KCNH5: variants seen among roughly 807,000 people sequenced by gnomAD.
KCNH5 encodes voltage-gated delayed rectifier potassium channel KCNH5.
In KCNH5, 46 loss-of-function variants were observed where a neutral mutation model predicts 96.1. The ratio of observed to expected loss-of-function variants is 0.48; its 90% CI spans 0.38 to 0.61. The LOEUF is 0.61. KCNH5 is among the 20% of genes least tolerant of loss of function. The pLI, the probability that KCNH5 is intolerant of heterozygous loss-of-function variation, is 0.00. For synonymous variants in KCNH5, 439 were observed against 449.8 expected, an observed-to-expected ratio of 0.98 and a Z score of 0.30; for missense variants, 907 against 1,225.8, an observed-to-expected ratio of 0.74 and a Z score of 3.88.
chr14:62,844,065 A>T (rs1595651240), intron 8 of KCNH5, among the ~76,000 whole-genome samples: 1 of 152,176 alleles, frequency 6.6e-6, no homozygotes, highest in East Asian at 1.9e-4. Context: ...TCAAAATTTC[A>T]ATTTGTTTAA....
intron 6 of KCNH5, among the ~76,000 whole-genome samples, chr14:62,956,169 T>C (rs1468702465): frequency 1.3e-5 from 2 of 152,202 alleles, no homozygotes; most frequent in African/African-American, 4.8e-5. Flanking sequence ...TTTCCCTCTA[T>C]GCCTCTGCAT....
At chr14:62,724,924 C>T (rs1884891499) in intron 10 of KCNH5, among the ~76,000 whole-genome samples, 1 of 152,224 alleles carries the variant, frequency 6.6e-6, no homozygotes, top group Admixed American at 6.5e-5. Context: ...TGCCCACCAG[C>T]ATGCAAACAC....
At chr14:63,023,021 T>A (rs1248427435) in intron 1 of KCNH5, among the ~76,000 whole-genome samples, 1 of 151,896 alleles carries the variant, frequency 6.6e-6, no homozygotes, top group East Asian at 1.9e-4. Flanking sequence ...CTAGCCAACA[T>A]GGTGACACCC....
chr14:62,953,148 T>C (rs1051392477), intron 6 of KCNH5, among the ~76,000 whole-genome samples: 2 of 151,460 alleles, frequency 1.3e-5, no homozygotes, highest in Non-Finnish European at 2.9e-5. Context: ...ACATACTTGA[T>C]ATATATACAT....
At chr14:63,003,221 C>T (rs1594669516) in intron 3 of KCNH5, among the ~76,000 whole-genome samples, 1 of 151,586 alleles carries the variant, frequency 6.6e-6, no homozygotes, top group East Asian at 1.9e-4. Context: ...TTCAACTTTC[C>T]AAGCCACAGG....
chr14:62,857,466 T>A (rs115307068), intron 7 of KCNH5, among the ~76,000 whole-genome samples: 1,557 of 152,246 alleles, frequency 0.01, 29 homozygotes, highest in African/African-American at 0.036. Context: ...TTAATATTAA[T>A]CTTAATATAT....
chr14:62,932,486 A>C (rs1889599403), intron 7 of KCNH5, among the ~76,000 whole-genome samples: 2 of 151,662 alleles, frequency 1.3e-5, no homozygotes, highest in African/African-American at 4.8e-5. Context: ...AAAAAAAAAA[A>C]AAAAACTAAA....
chr14:62,900,934 C>T (rs1888912584), intron 7 of KCNH5, among the ~76,000 whole-genome samples: 1 of 152,052 alleles, frequency 6.6e-6, no homozygotes, highest in Non-Finnish European at 1.5e-5. Context: ...GAACAAAAGA[C>T]TTAAAAAGTT....
Position 62,703,203 on chromosome 14 carries a change from T to C in KCNH5, c.*4305A>G, listed in dbSNP as rs1486294482. On this transcript the variant is annotated 3_prime_UTR_variant, in exon 11 of 11. Transcript: ENST00000322893. ...CTAAATTCCCACATAAGTATGAAGT[T>C]TTATGCTTACCTGCCACTAGCAAAC... 1 of 151,932 alleles carries C rather than the reference T, an allele frequency of 6.6e-6. No homozygotes were observed. The highest frequency in any genetic ancestry group is 1.9e-4 in the East Asian group (1 of 5,184). 9.4% of individuals were successfully genotyped at this position (151,932 alleles called of 1,614,324 possible).
At chr14:62,801,326 T>C (rs148973038) in intron 9 of KCNH5, among the ~76,000 whole-genome samples, 22 of 150,730 alleles carry the variant, frequency 1.5e-4, no homozygotes, top group Non-Finnish European at 2.2e-4. Context: ...CCATGAACAA[T>C]GTGATCAAAA....
intron 7 of KCNH5, among the ~76,000 whole-genome samples, chr14:62,949,166 T>C (rs1351053248): frequency 6.6e-6 from 1 of 152,112 alleles, no homozygotes; most frequent in African/African-American, 2.4e-5. Context: ...CCAGGGCAAT[T>C]AGGCAGGAGA....
At chr14:63,027,598 G>T (rs899866423) in intron 1 of KCNH5, among the ~76,000 whole-genome samples, 8 of 132,468 alleles carry the variant, frequency 6.0e-5, no homozygotes, top group African/African-American at 2.3e-4. Context: ...TGATTAAAAT[G>T]TAGATATTTT....
chr14:62,860,330 T>A (rs1002930664), intron 7 of KCNH5, among the ~76,000 whole-genome samples: 2 of 152,238 alleles, frequency 1.3e-5, no homozygotes, highest in African/African-American at 4.8e-5. Flanking sequence ...CCATTGGATC[T>A]GCTCAGTCAC....
chr14:62,910,277 T>C (rs112549145), intron 7 of KCNH5, among the ~76,000 whole-genome samples: 59 of 152,262 alleles, frequency 3.9e-4, no homozygotes, highest in African/African-American at 1.3e-3. Context: ...ACATCATGCT[T>C]ATTATGAAAT....
intron 10 of KCNH5, chr14:62,712,768 G>T: frequency 1.3e-6 from 1 of 755,662 alleles, no homozygotes; most frequent in African/African-American, 1.7e-5. Context: ...CTGGGAAAGC[G>T]GTAGCCTAGA....
chr14:62,957,170 G>A (rs749827943), intron 6 of KCNH5, among the ~76,000 whole-genome samples: 7 of 152,176 alleles, frequency 4.6e-5, no homozygotes, highest in African/African-American at 7.2e-5. Context: ...ACACCTCTGT[G>A]CCATTAACCC....
At chr14:62,840,794 C>T (rs915125251) in intron 8 of KCNH5, among the ~76,000 whole-genome samples, 3 of 151,598 alleles carry the variant, frequency 2.0e-5, no homozygotes, top group African/African-American at 7.3e-5. Flanking sequence ...GGTCTCGCTC[C>T]TGACCTCATG....
intron 7 of KCNH5, among the ~76,000 whole-genome samples, chr14:62,912,837 T>C (rs563413627): frequency 6.6e-6 from 1 of 152,360 alleles, no homozygotes; most frequent in Non-Finnish European, 1.5e-5. Flanking sequence ...GCTTCAACTA[T>C]CTTTTTTAAC....
At chr14:62,830,311 A>G (rs1887315263) in intron 8 of KCNH5, among the ~76,000 whole-genome samples, 1 of 152,096 alleles carries the variant, frequency 6.6e-6, no homozygotes, top group Non-Finnish European at 1.5e-5. Context: ...TTCCAAAGCC[A>G]CTTCTATAGT....
Sources: allele counts gnomAD v4.1 joint callset (sites outside exome capture counted in the v4.1 genomes callset), GRCh38; gene constraint gnomAD v4.1.1; transcripts MANE v1.5; gene names NCBI Gene and HGNC (gene_info 2026-07-23, HGNC 2026-07-21).